AGFG2: variants seen among roughly 807,000 people sequenced by gnomAD.
The protein encoded by AGFG2 is ArfGAP with FG repeats 2.
A neutral mutation model predicts 48.0 loss-of-function variants in AGFG2; 31 were observed. The observed-to-expected ratio is 0.65, with a 90% CI of 0.49 to 0.87. The LOEUF is 0.87. AGFG2 is among the 40% of genes least tolerant of loss of function. AGFG2 has a pLI of 0.00. For missense variants in AGFG2, 599 were observed against 632.6 expected, an observed-to-expected ratio of 0.95 and a Z score of 0.57; for synonymous variants, 229 against 260.8, an observed-to-expected ratio of 0.88 and a Z score of 1.18.
chr7:100,548,232 C>T (rs1800552113), intron 1 of AGFG2, among the ~76,000 whole-genome samples: 1 of 152,088 alleles, frequency 6.6e-6, no homozygotes, highest in Non-Finnish European at 1.5e-5. Context: ...CTCTACCTTT[C>T]CTCTCCAGAA....
intron 3 of AGFG2, 124 bp downstream of exon 3, chr7:100,550,635 C>A: frequency 1.5e-6 from 1 of 671,512 alleles, no homozygotes; most frequent in African/African-American, 1.8e-5. Context: ...TTCTGTTCCA[C>A]TCACATTCAG....
chr7:100,551,214 C>T (rs1475524814), intron 3 of AGFG2, among the ~76,000 whole-genome samples: 8 of 150,058 alleles, frequency 5.3e-5, no homozygotes, highest in South Asian at 4.3e-4. Flanking sequence ...GGACTACAGG[C>T]GCCCGCCACC....
chr7:100,552,798 G>A lies in AGFG2; in HGVS notation c.432-549G>A, dbSNP rs1199050300. Among the ~76,000 whole-genome samples, 3 of 152,156 alleles carry A rather than the reference G, an allele frequency of 2.0e-5. No individual in the cohort carries two copies. The East Asian group carries it at 5.8e-4, about 29-fold the overall frequency. On this transcript the variant is annotated intron_variant, in intron 3 of 11. Transcript: ENST00000300176. ...TGAGCACCTAGAGGATGAGGCGGCA[G>A]GCAGCTTTTCTATGGAGCTGAGAAG... is the stretch of plus-strand genomic sequence containing the variant.
At chr7:100,548,599 C>T (rs1001298171) in intron 1 of AGFG2, among the ~76,000 whole-genome samples, 2 of 152,140 alleles carry the variant, frequency 1.3e-5, no homozygotes, top group African/African-American at 2.4e-5. Flanking sequence ...AGGTGTGAGT[C>T]ACTGTGCCTG....
chr7:100,555,424 C>T (rs1161621912), intron 5 of AGFG2, among the ~76,000 whole-genome samples, 186 bp from the exon 6 acceptor site: 1 of 151,824 alleles, frequency 6.6e-6, no homozygotes, highest in Non-Finnish European at 1.5e-5. Flanking sequence ...CAGGCATGTA[C>T]CACCACGCCC....
chr7:100,555,905 A>G (rs952949426), intron 6 of AGFG2, 170 bp downstream of exon 6: 6 of 892,770 alleles, frequency 6.7e-6, no homozygotes, highest in Non-Finnish European at 9.8e-6. Context: ...CTTGTCAGGG[A>G]GAGGGGGCTC....
At chr7:100,564,867 T>A in intron 11 of AGFG2, 65 bp from the exon 12 acceptor site, 1 of 1,561,318 alleles carries the variant, frequency 6.4e-7, no homozygotes, top group Non-Finnish European at 8.8e-7. Flanking sequence ...GACTCCTGGC[T>A]GCCTTTCTTC....
rs144278960 is a variant in AGFG2 at position 100,562,639 on chromosome 7, G to C, written c.1044G>C (p.Thr348=). The change falls in exon 8 of 12, where the codon ACG becomes ACC. Residue 348 remains threonine, a synonymous_variant. Coordinates refer to ENST00000300176, the MANE Select transcript of AGFG2 (RefSeq NM_006076.5). This position sits in a 1 kb window ranked among gnomAD's most constrained non-coding sequence, Gnocchi z 5.4. ...AGGTCCCCCCGCTCCAGTCTGTCAC[G>C]ATGGGCGGCGGCGGCGGCAGCAGCA... The part of the protein sequence containing the change: ...AGQVPPLQSV[T]MGGGGGSSTG... The C allele has an allele frequency of 2.4e-5, 38 of 1,611,656 alleles. No individual in the cohort carries two copies. The highest frequency in any genetic ancestry group is 3.1e-5 in the Non-Finnish European group (36 of 1,179,972).
chr7:100,553,339 T>G lies in AGFG2; in HGVS notation c.432-8T>G. On this transcript the variant is annotated splice_region_variant and splice_polypyrimidine_tract_variant and intron_variant, in intron 3 of 11. Transcript: ENST00000300176. ...CTCTCTTTACAGCCTAACTATTCTT[T>G]CTCAAAGGTATGTCCCCCCAGACCA... is the stretch of plus-strand genomic sequence containing the variant. The G allele has an allele frequency of 6.2e-7, 1 of 1,614,124 alleles. No individual in the cohort carries two copies. Among genetic ancestry groups the G allele is most frequent in the Non-Finnish European group, 8.5e-7 (1 of 1,179,998 alleles).
rs1584394069 is a variant in AGFG2 at position 100,565,311 on chromosome 7, C to G, written c.*320C>G. ...TGGAACAGCTCTTCCCTGGGCCTAG[C>G]TCGCCAGCGCTGTGCTCCTCATGGA... On this transcript the variant is annotated 3_prime_UTR_variant, in exon 12 of 12. Transcript: ENST00000300176. 1 of 412,664 alleles carries G rather than the reference C, an allele frequency of 2.4e-6. No homozygotes were observed. The highest frequency in any genetic ancestry group is 2.5e-5 in the South Asian group (1 of 39,894). The allele number at this position is 412,664 out of a possible 1,614,324, so 25.6% of individuals were successfully genotyped here.
chr7:100,543,469 A>C (rs770442483), intron 1 of AGFG2, among the ~76,000 whole-genome samples: 3 of 152,202 alleles, frequency 2.0e-5, no homozygotes, highest in Non-Finnish European at 4.4e-5. Context: ...GGATGACATT[A>C]TTTTAAAGGC....
intron 6 of AGFG2, among the ~76,000 whole-genome samples, chr7:100,557,830 T>C (rs1800787446): frequency 6.6e-6 from 1 of 152,106 alleles, no homozygotes; most frequent in Non-Finnish European, 1.5e-5. Context: ...CAGATGGAAA[T>C]TAGTATCCAT....
intron 1 of AGFG2, among the ~76,000 whole-genome samples, chr7:100,541,956 A>C (rs1453765459): frequency 6.6e-6 from 1 of 152,130 alleles, no homozygotes; most frequent in Non-Finnish European, 1.5e-5. Flanking sequence ...TTTCCCTTAT[A>C]ATACCCCTCA....
At chr7:100,545,894 C>A (rs1287315269) in intron 1 of AGFG2, among the ~76,000 whole-genome samples, 1 of 152,140 alleles carries the variant, frequency 6.6e-6, no homozygotes, top group African/African-American at 2.4e-5. Flanking sequence ...GCAGTGGCCT[C>A]TCTGTGATTC....
chr7:100,557,607 G>C (rs937081844), intron 6 of AGFG2, among the ~76,000 whole-genome samples: 17 of 152,074 alleles, frequency 1.1e-4, no homozygotes, highest in African/African-American at 3.9e-4. Flanking sequence ...GCTAATTTTT[G>C]TATTTTTAGT....
In AGFG2 at chr7:100,562,268, A is replaced by AG; in HGVS notation, c.891dup (p.Thr298AspfsTer35). ...TTCCACAACTGCCCAGGGAGCAGCCAGGGGACTCCATTTGGTGCCACTCCC... is the reference window on the plus strand; with the variant it reads ...TTCCACAACTGCCCAGGGAGCAGCCAGGGGGACTCCATTTGGTGCCACTCCC... On this transcript the variant is annotated frameshift_variant, in exon 7 of 12. Coordinates refer to ENST00000300176, the MANE Select transcript of AGFG2 (RefSeq NM_006076.5). LOFTEE classifies it high-confidence loss of function. The surrounding 1 kb of genome is among the most constrained non-coding windows in gnomAD (Gnocchi z 5.4). The AG allele has an allele frequency of 6.2e-7, 1 of 1,613,524 alleles. No homozygotes were observed. The highest frequency in any genetic ancestry group is 8.5e-7 in the Non-Finnish European group (1 of 1,179,918).
intron 1 of AGFG2, among the ~76,000 whole-genome samples, chr7:100,541,064 G>A (rs1175046166): frequency 6.6e-6 from 1 of 151,736 alleles, no homozygotes; most frequent in Non-Finnish European, 1.5e-5. Context: ...TTAGGAGCCA[G>A]GGAGCGAGCA....
chr7:100,562,202 C>A lies in AGFG2; in HGVS notation c.878-57C>A. On this transcript the variant is annotated intron_variant, in intron 6 of 11. Coordinates refer to ENST00000300176, the MANE Select transcript of AGFG2 (RefSeq NM_006076.5). This position sits in a 1 kb window ranked among gnomAD's most constrained non-coding sequence, Gnocchi z 5.4. The stretch of plus-strand genomic sequence containing the variant: ...ACCACCACCTCCATCTGCTCTCCTG[C>A]CCCTCCCGCCCTGTCTTACCTCAGC... 1 of 1,582,308 alleles carries A rather than the reference C, an allele frequency of 6.3e-7. No homozygotes were observed. Among genetic ancestry groups the A allele is most frequent in the South Asian group, 1.1e-5 (1 of 88,350 alleles).
Position 100,563,862 on chromosome 7 carries a change from G to A in AGFG2, c.1200G>A (p.Gly400=), listed in dbSNP as rs772350508. The change falls in exon 10 of 12, where the codon GGG becomes GGA. Residue 400 remains glycine (G), a synonymous_variant. Coordinates refer to ENST00000300176, the MANE Select transcript of AGFG2 (RefSeq NM_006076.5). ...PGPGFGMSSA[G]PGFPQAVPPT... is the part of the protein sequence containing the mutation. The stretch of plus-strand genomic sequence containing the variant: ...CCGGCTTTGGGATGAGCAGTGCTGG[G>A]CCTGGCTTCCCCCAGGCAGTGCCAC... 2 of 1,611,226 alleles carry A rather than the reference G, an allele frequency of 1.2e-6. No individual in the cohort carries two copies. Among genetic ancestry groups the A allele is most frequent in the African/African-American group, 2.7e-5 (2 of 74,954 alleles).
Sources: gnomAD v4.1 joint callset for allele counts (sites outside exome capture counted in the v4.1 genomes callset) on GRCh38, gnomAD v4.1.1 for gene constraint, Gnocchi (gnomAD v3.1) non-coding constraint, MANE v1.5 for transcripts, NCBI Gene and HGNC (gene_info 2026-07-23, HGNC 2026-07-21) for gene names.